The following NRXN3 variants were observed in gnomAD, a reference collection of about 807,000 sequenced individuals.
The protein encoded by NRXN3 is neurexin 3, also known as neurexin III.
Under a neutral mutation model 137.6 loss-of-function variants are expected in NRXN3, and 32 were observed. That is an observed-to-expected ratio of 0.23 (90% CI 0.18 to 0.31). NRXN3 has a LOEUF of 0.31. NRXN3 is among the 10% of genes least tolerant of loss of function. The pLI, the probability that NRXN3 is intolerant of heterozygous loss-of-function variation, is 1.00. For missense variants in NRXN3, 1,574 were observed against 2,062.5 expected, an observed-to-expected ratio of 0.76 and a Z score of 4.59; for synonymous variants, 798 against 784.5, an observed-to-expected ratio of 1.02 and a Z score of -0.29.
chr14:78,382,552 AC>A (rs1326393655), intron 4 of NRXN3, among the ~76,000 whole-genome samples: 2 of 152,202 alleles, frequency 1.3e-5, no homozygotes, highest in African/African-American at 4.8e-5. Context: ...ATGTTAGGAA[AC>A]CCTTGTGGTT....
intron 15 of NRXN3, among the ~76,000 whole-genome samples, chr14:79,336,782 T>C (rs1332533404): frequency 6.6e-6 from 1 of 152,208 alleles, no homozygotes; most frequent in Non-Finnish European, 1.5e-5. Flanking sequence ...ACTATCTCAG[T>C]TGGCATCTTT....
intron 15 of NRXN3, among the ~76,000 whole-genome samples, chr14:79,014,307 T>C (rs2099575714): frequency 6.6e-6 from 1 of 152,176 alleles, no homozygotes; most frequent in African/African-American, 2.4e-5. Flanking sequence ...CTTCTTTGTA[T>C]CTCTATGTAC....
chr14:79,749,289 A>G (rs2098989674), intron 19 of NRXN3, among the ~76,000 whole-genome samples: 1 of 152,082 alleles, frequency 6.6e-6, no homozygotes, highest in African/African-American at 2.4e-5. Context: ...CTGCTTCACT[A>G]TGCATGAGAG....
chr14:79,481,530 A>G (rs1195573645), intron 16 of NRXN3, among the ~76,000 whole-genome samples: 1 of 152,226 alleles, frequency 6.6e-6, no homozygotes, highest in African/African-American at 2.4e-5. Context: ...ACTGTAGGCA[A>G]TTGTAATGCA....
intron 19 of NRXN3, among the ~76,000 whole-genome samples, chr14:79,705,108 A>G (rs922773214): frequency 1.3e-5 from 2 of 152,172 alleles, no homozygotes; most frequent in South Asian, 2.1e-4. Context: ...TAATATTTAC[A>G]GGATGGAATT....
At chr14:79,805,069 T>C in intron 19 of NRXN3, 43 bp from the exon 20 acceptor site, 2 of 1,379,178 alleles carry the variant, frequency 1.5e-6, no homozygotes, top group Non-Finnish European at 2.1e-6. Context: ...CTCTCTCTTC[T>C]CTCTCTTCCC....
chr14:78,720,289 A>C (rs986931835), intron 8 of NRXN3, among the ~76,000 whole-genome samples: 9 of 152,174 alleles, frequency 5.9e-5, no homozygotes, highest in Non-Finnish European at 1.3e-4. Flanking sequence ...CTCCATTTGG[A>C]TATCTGATAG....
At chr14:79,268,135 A>G (rs963592818) in intron 15 of NRXN3, among the ~76,000 whole-genome samples, 6 of 152,192 alleles carry the variant, frequency 3.9e-5, no homozygotes, top group Non-Finnish European at 8.8e-5. Context: ...AGAAACAAAA[A>G]CATTTACTCC....
intron 4 of NRXN3, among the ~76,000 whole-genome samples, chr14:78,481,806 A>G (rs1026363584): frequency 6.6e-6 from 1 of 152,198 alleles, no homozygotes; most frequent in African/African-American, 2.4e-5. Context: ...TACAGCCCTC[A>G]GAGTCATCTG....
At chr14:78,993,834 ATTTTTTTTTTTTTTTTTTT>A (rs58170856) in intron 15 of NRXN3, among the ~76,000 whole-genome samples, 6,599 of 67,540 alleles carry the variant, frequency 0.098, 713 homozygotes, top group African/African-American at 0.27. Flanking sequence ...GAGCCTTGAA[ATTTTTTTTTTTTTTTTTTT>A]TTTTTTTTTT....
chr14:79,197,213 C>T (rs2153196559), intron 15 of NRXN3, among the ~76,000 whole-genome samples: 1 of 152,290 alleles, frequency 6.6e-6, no homozygotes. Flanking sequence ...ATCCTCAAGT[C>T]CCAGTCTAAA....
intron 14 of NRXN3, among the ~76,000 whole-genome samples, chr14:78,974,682 CT>C (rs899529839): frequency 6.6e-5 from 10 of 150,636 alleles, no homozygotes; most frequent in African/African-American, 2.0e-4. Context: ...GCAGGAGCTG[CT>C]TTTTTTTTCG....
intron 6 of NRXN3, among the ~76,000 whole-genome samples, chr14:78,688,320 A>T (rs890530637): frequency 6.6e-6 from 1 of 152,228 alleles, no homozygotes; most frequent in Non-Finnish European, 1.5e-5. Context: ...AAATAAAAAG[A>T]GAGAGGTTCT....
intron 15 of NRXN3, among the ~76,000 whole-genome samples, chr14:79,380,386 C>T (rs1478755384): frequency 6.7e-6 from 1 of 150,268 alleles, no homozygotes; most frequent in Non-Finnish European, 1.5e-5. Flanking sequence ...TGTGATGTTC[C>T]CCTTCCTGTG....
At chr14:79,193,311 G>T (rs2064669194) in intron 15 of NRXN3, among the ~76,000 whole-genome samples, 1 of 152,164 alleles carries the variant, frequency 6.6e-6, no homozygotes, top group Non-Finnish European at 1.5e-5. Flanking sequence ...GTTTTAAATT[G>T]CATAGGCAAG....
chr14:78,197,884 T>C (rs2061365401), intron 1 of NRXN3, among the ~76,000 whole-genome samples: 1 of 152,230 alleles, frequency 6.6e-6, no homozygotes, highest in Non-Finnish European at 1.5e-5. Context: ...TTTATCCTTT[T>C]CTGTTGTCCA....
At chr14:79,741,573 C>T (rs780652620) in intron 19 of NRXN3, among the ~76,000 whole-genome samples, 6 of 152,030 alleles carry the variant, frequency 3.9e-5, no homozygotes, top group Non-Finnish European at 8.8e-5. Flanking sequence ...CAACCTCCGT[C>T]CCCCAGGTTC....
chr14:78,818,867 T>G (rs2098942323), intron 10 of NRXN3, among the ~76,000 whole-genome samples: 1 of 152,172 alleles, frequency 6.6e-6, no homozygotes, highest in African/African-American at 2.4e-5. Flanking sequence ...TTTCTTGTTT[T>G]TCTTGAAGAA....
At chr14:78,708,220 G>A (rs2098374913) in intron 6 of NRXN3, among the ~76,000 whole-genome samples, 2 of 152,178 alleles carry the variant, frequency 1.3e-5, no homozygotes, top group Non-Finnish European at 1.5e-5. Context: ...GCAGGACAGT[G>A]GCCATGGCTT....
Sources: allele counts gnomAD v4.1 joint callset (sites outside exome capture counted in the v4.1 genomes callset), GRCh38; gene constraint gnomAD v4.1.1; transcripts MANE v1.5; gene names NCBI Gene and HGNC (gene_info 2026-07-23, HGNC 2026-07-21).